The following GALNT13 variants were observed in gnomAD, a reference collection of about 807,000 sequenced individuals.
The protein encoded by GALNT13 is polypeptide N-acetylgalactosaminyltransferase 13, also known as UDP-GalNAc:polypeptide N-acetylgalactosaminyltransferase 13.
GALNT13 carries 28 observed loss-of-function variants against 64.2 expected under a neutral mutation model. The ratio of observed to expected loss-of-function variants is 0.44; its 90% confidence interval spans 0.32 to 0.60. The LOEUF is 0.60. GALNT13 is among the 20% of genes least tolerant of loss of function. The pLI, the probability that GALNT13 is intolerant of heterozygous loss-of-function variation, is 0.05. For synonymous variants in GALNT13, 214 were observed against 224.6 expected (o/e 0.95, Z 0.42); for missense variants, 577 against 669.8 (o/e 0.86, Z 1.53).
the GALNT13 span, among the ~76,000 whole-genome samples, chr2:153,531,700 T>C: frequency 6.6e-6 from 1 of 151,884 alleles, no homozygotes; most frequent in East Asian, 1.9e-4. Context: ...GCCTGTAAAA[T>C]AATAATAATA....
chr2:154,210,921 C>G (rs11899911), intron 4 of GALNT13, among the ~76,000 whole-genome samples: 7,519 of 152,028 alleles, frequency 0.049, 637 homozygotes, highest in African/African-American at 0.17. Flanking sequence ...TCTTAGGTGT[C>G]TAGCTTAAAT....
intron 4 of GALNT13, among the ~76,000 whole-genome samples, chr2:154,189,035 A>C (rs909499460): frequency 6.6e-6 from 1 of 152,188 alleles, no homozygotes; most frequent in Non-Finnish European, 1.5e-5. Flanking sequence ...CCAATCCAAA[A>C]AAATTAAAAT....
chr2:153,070,920 A>T, the GALNT13 span, among the ~76,000 whole-genome samples: 1 of 152,352 alleles, frequency 6.6e-6, no homozygotes, highest in South Asian at 2.1e-4. Context: ...TCTTAAAGGC[A>T]ATGTGAAATT....
the GALNT13 span, among the ~76,000 whole-genome samples, chr2:153,640,206 C>G: frequency 2.9e-3 from 434 of 152,070 alleles, 2 homozygotes; most frequent in African/African-American, 9.3e-3. Flanking sequence ...ATAGTTTTTA[C>G]TGAAGCTCAA....
chr2:153,335,063 C>G, the GALNT13 span, among the ~76,000 whole-genome samples: 1 of 152,174 alleles, frequency 6.6e-6, no homozygotes, highest in Non-Finnish European at 1.5e-5. Context: ...TTTGCTTCTT[C>G]CTCATTTTTT....
chr2:154,405,729 G>A (rs186611476), intron 10 of GALNT13, among the ~76,000 whole-genome samples: 18 of 151,760 alleles, frequency 1.2e-4, no homozygotes, highest in African/African-American at 3.9e-4. Flanking sequence ...ATAAAATAAT[G>A]ACTATAATTC....
At chr2:154,189,244 T>A (rs1686430352) in intron 4 of GALNT13, among the ~76,000 whole-genome samples, 1 of 152,134 alleles carries the variant, frequency 6.6e-6, no homozygotes, top group Non-Finnish European at 1.5e-5. Context: ...CTTTTAATTA[T>A]AAATAGGACA....
intron 9 of GALNT13, among the ~76,000 whole-genome samples, chr2:154,371,876 TTTAG>T (rs1202003655): frequency 6.6e-6 from 1 of 151,964 alleles, no homozygotes; most frequent in African/African-American, 2.4e-5. Flanking sequence ...CTATCCTTTA[TTTAG>T]TTAAATAAGA....
chr2:153,670,407 A>T, the GALNT13 span, among the ~76,000 whole-genome samples: 1 of 152,164 alleles, frequency 6.6e-6, no homozygotes. Flanking sequence ...CCAGGCAAAC[A>T]GGGTATGGAG....
At chr2:153,348,027 A>G in the GALNT13 span, among the ~76,000 whole-genome samples, 14 of 152,190 alleles carry the variant, frequency 9.2e-5, no homozygotes, top group African/African-American at 2.9e-4. Flanking sequence ...TCTTGGTCAC[A>G]GACAGTGGCC....
chr2:153,508,426 G>A, the GALNT13 span, among the ~76,000 whole-genome samples: 8 of 152,218 alleles, frequency 5.3e-5, no homozygotes, highest in East Asian at 1.9e-4. Context: ...TTCCTAGGCC[G>A]GTGGAGTTAT....
chr2:154,396,209 T>C, intron 10 of GALNT13, 79 bp downstream of exon 10: 1 of 925,068 alleles, frequency 1.1e-6, no homozygotes, highest in Non-Finnish European at 1.5e-6. Flanking sequence ...GTATTTTTTA[T>C]GTTATGAAAA....
intron 3 of GALNT13, among the ~76,000 whole-genome samples, chr2:154,052,246 GA>G (rs1300580160): frequency 1.3e-5 from 2 of 151,954 alleles, no homozygotes; most frequent in South Asian, 2.1e-4. Flanking sequence ...ATTTGTGAAA[GA>G]AAAAAATATC....
At chr2:153,196,217 G>A in the GALNT13 span, among the ~76,000 whole-genome samples, 2 of 152,178 alleles carry the variant, frequency 1.3e-5, no homozygotes, top group African/African-American at 4.8e-5. Context: ...CCGCCCAGGA[G>A]CCTATCTGCC....
chr2:153,178,278 C>T, the GALNT13 span, among the ~76,000 whole-genome samples: 1 of 152,140 alleles, frequency 6.6e-6, no homozygotes, highest in Non-Finnish European at 1.5e-5. Flanking sequence ...TTTGAGGAAC[C>T]TCCTTACCTT....
intron 9 of GALNT13, among the ~76,000 whole-genome samples, chr2:154,362,699 T>C (rs746514309): frequency 1.3e-5 from 2 of 152,188 alleles, no homozygotes; most frequent in Non-Finnish European, 1.5e-5. Flanking sequence ...AAACTGGTCA[T>C]TGTTTTATGC....
intron 3 of GALNT13, among the ~76,000 whole-genome samples, chr2:154,112,616 C>A (rs1703051444): frequency 6.6e-6 from 1 of 152,212 alleles, no homozygotes; most frequent in South Asian, 2.1e-4. Context: ...TATAATTGTA[C>A]ATCTGGCCAT....
chr2:153,780,125 A>G, the GALNT13 span, among the ~76,000 whole-genome samples: 4 of 151,464 alleles, frequency 2.6e-5, no homozygotes, highest in Middle Eastern at 3.4e-3. Flanking sequence ...CTCTCATGAC[A>G]ATGATCAATT....
chr2:153,342,518 T>C, the GALNT13 span, among the ~76,000 whole-genome samples: 2 of 152,218 alleles, frequency 1.3e-5, no homozygotes, highest in African/African-American at 4.8e-5. Context: ...GTCTTCTTAA[T>C]TAAATGGAAT....
Sources: gnomAD v4.1 joint callset for allele counts (sites outside exome capture counted in the v4.1 genomes callset) on GRCh38, gnomAD v4.1.1 for gene constraint, MANE v1.5 for transcripts, NCBI Gene and HGNC (gene_info 2026-07-23, HGNC 2026-07-21) for gene names.